The following ATL2 variants were observed in gnomAD, a reference collection of about 807,000 sequenced individuals.
ATL2 encodes atlastin-2.
A neutral mutation model predicts 73.9 loss-of-function variants in ATL2; 31 were observed. The ratio of observed to expected loss-of-function variants is 0.42; its 90% confidence interval spans 0.32 to 0.57. The LOEUF is 0.57. Among genes scored for constraint, ATL2 ranks in the 20% least tolerant of loss-of-function variants. The pLI is 0.14. For missense variants in ATL2, 738 were observed against 702.6 expected (o/e 1.05, Z -0.57); for synonymous variants, 291 against 237.5 (o/e 1.23, Z -2.07).
chr2:38,303,865 C>T (rs1015756531), intron 9 of ATL2, among the ~76,000 whole-genome samples: 1 of 152,148 alleles, frequency 6.6e-6, no homozygotes, highest in Non-Finnish European at 1.5e-5. Flanking sequence ...GGCGTGGTGG[C>T]TCATGCCTGT....
rs564874641 is a variant in ATL2 at position 38,294,675 on chromosome 2, T to A, written c.*1319A>T. 1.3e-5 allele frequency among the ~76,000 whole-genome samples: 2 copies of A among 148,924 alleles called. No individual in the cohort carries two copies. The highest frequency in any genetic ancestry group is 5.0e-5 in the African/African-American group (2 of 39,750). ...AAAAGAGAGAGAAAGAAATTAACAA[T>A]CCCCATCTACAACTAGGCTAATCAT... On this transcript the variant is annotated 3_prime_UTR_variant, in exon 13 of 13. Coordinates refer to ENST00000378954, the MANE Select transcript of ATL2 (RefSeq NM_001135673.4).
intron 2 of ATL2, among the ~76,000 whole-genome samples, chr2:38,324,582 T>C (rs1668495589): frequency 6.6e-6 from 1 of 152,120 alleles, no homozygotes; most frequent in Non-Finnish European, 1.5e-5. Flanking sequence ...TCCAACCCCA[T>C]TCCCACCCCA....
rs780313529 is a variant in ATL2 at position 38,310,412 on chromosome 2, T to C, written c.840A>G (p.Val280=). The stretch of plus-strand genomic sequence containing the variant: ...AGAAACAATTGTGTATGTGCTTCCT[T>C]ACATTCTGAAGCTCTTCATGTTGAT... The part of the protein sequence containing the change: ...KQNQHEELQN[V]RKHIHNCFSN... Residue 280 remains valine, a synonymous_variant, in exon 8 of 13, where the codon GTA becomes GTG. Transcript: ENST00000378954. 5.6e-6 allele frequency: 9 copies of C among 1,610,354 alleles called. No individual in the cohort carries two copies. Among genetic ancestry groups the C allele is most frequent in the South Asian group, 3.3e-5 (3 of 90,256 alleles).
At chr2:38,339,201 G>C (rs72902179) in intron 2 of ATL2, among the ~76,000 whole-genome samples, 16,901 of 152,008 alleles carry the variant, frequency 0.11, 2,787 homozygotes, top group African/African-American at 0.36. Context: ...GGGCAACGAG[G>C]GAAACTACGT....
chr2:38,300,224 C>A, intron 10 of ATL2, 48 bp downstream of exon 10: 1 of 1,432,120 alleles, frequency 7.0e-7, no homozygotes, highest in South Asian at 1.3e-5. Flanking sequence ...TTTATTCTCC[C>A]TCATAAATAA....
At chr2:38,319,698 T>G (rs1668216317) in intron 2 of ATL2, among the ~76,000 whole-genome samples, 1 of 152,186 alleles carries the variant, frequency 6.6e-6, no homozygotes, top group Non-Finnish European at 1.5e-5. Context: ...TTTTAACATG[T>G]TGTTACACAG....
At position 38,318,630 on chromosome 2, in the gene ATL2, G is replaced by C; in HGVS notation, c.508C>G (p.Leu170Val). 6.3e-7 allele frequency: 1 copy of C among 1,598,732 alleles called. No individual in the cohort carries two copies. The highest frequency in any genetic ancestry group is 8.5e-7 in the Non-Finnish European group (1 of 1,175,576). The change falls in exon 4 of 13, where the codon CTG becomes GTG. Residue 170 changes from leucine (L) to valine (V), a missense_variant. Leu to Val is a conservative substitution (Grantham distance 32). Transcript: ENST00000378954. ...AAGGCACCCTGGGTATCCATAAGCA[G>C]CACAGCAACCTAGGAATTTGAGAGT... is the stretch of plus-strand genomic sequence containing the variant. ...DRPNGTKVAVLLMDTQGAFDS... is the reference protein window; with the variant it reads ...DRPNGTKVAVVLMDTQGAFDS...
chr2:38,337,444 T>A (rs1669427543), intron 2 of ATL2, among the ~76,000 whole-genome samples: 1 of 110,170 alleles, frequency 9.1e-6, no homozygotes, highest in Non-Finnish European at 1.7e-5. Flanking sequence ...TGAGATCACA[T>A]CACTGCACTC....
chr2:38,299,408 C>A, intron 10 of ATL2, 81 bp from the exon 11 acceptor site: 3 of 1,326,960 alleles, frequency 2.3e-6, no homozygotes, highest in East Asian at 2.8e-5. Context: ...AAGTTATGTA[C>A]AATAAACAAG....
intron 4 of ATL2, 88 bp downstream of exon 4, chr2:38,318,447 C>T: frequency 1.0e-6 from 1 of 994,270 alleles, no homozygotes; most frequent in Middle Eastern, 2.2e-4. Flanking sequence ...GCCTGGGCAA[C>T]AAGAGTGAAA....
At chr2:38,360,325 GC>G (rs1345122229) in intron 1 of ATL2, among the ~76,000 whole-genome samples, 1 of 150,036 alleles carries the variant, frequency 6.7e-6, no homozygotes, top group Non-Finnish European at 1.5e-5. Context: ...TTGCTCTGAT[GC>G]CCAGGCTGCA....
chr2:38,297,671 A>G (rs887333621), intron 12 of ATL2, among the ~76,000 whole-genome samples: 1 of 152,174 alleles, frequency 6.6e-6, no homozygotes, highest in African/African-American at 2.4e-5. Flanking sequence ...TCCTCATAGT[A>G]CATCAGGAAA....
chr2:38,367,415 A>G (rs1558459352), intron 1 of ATL2, among the ~76,000 whole-genome samples: 1 of 151,232 alleles, frequency 6.6e-6, no homozygotes, highest in Non-Finnish European at 1.5e-5. Flanking sequence ...CATCCTGGCT[A>G]ACACGGTGAA....
intron 2 of ATL2, among the ~76,000 whole-genome samples, chr2:38,334,697 TCAAA>T (rs929791687): frequency 1.3e-4 from 19 of 150,996 alleles, no homozygotes; most frequent in South Asian, 4.2e-4. Context: ...AAACTCCGTC[TCAAA>T]CAAACAAACA....
rs373114704 is a variant in ATL2, at chr2:38,315,257, A to G, written c.654+27T>C. The stretch of plus-strand genomic sequence containing the variant: ...CAAGAGCGAAACTCCATCTCAAAAA[A>G]TAAAAATTAAAAAAAGAAATACGTA... On this transcript the variant is annotated intron_variant, in intron 5 of 12. Coordinates refer to ENST00000378954, the MANE Select transcript of ATL2 (RefSeq NM_001135673.4). 2.1e-4 allele frequency: 314 copies of G among 1,468,948 alleles called. 1 individual carries two copies. The highest frequency in any genetic ancestry group is 2.7e-4 in the Non-Finnish European group (303 of 1,115,638). 91.0% of individuals were successfully genotyped at this position (1,468,948 alleles called of 1,614,324 possible).
chr2:38,334,555 G>A (rs928442979), intron 2 of ATL2, among the ~76,000 whole-genome samples: 11 of 151,222 alleles, frequency 7.3e-5, no homozygotes, highest in African/African-American at 1.7e-4. Context: ...AAAATTAGCC[G>A]GGCGTAGTGG....
chr2:38,327,660 C>T (rs1178148349), intron 2 of ATL2, among the ~76,000 whole-genome samples: 3 of 152,024 alleles, frequency 2.0e-5, no homozygotes, highest in Non-Finnish European at 4.4e-5. Context: ...AACTGTTGGC[C>T]GGGCACAGTG....
At chr2:38,354,199 A>G (rs540841501) in intron 1 of ATL2, 2 of 433,832 alleles carry the variant, frequency 4.6e-6, no homozygotes, top group South Asian at 1.6e-5. Context: ...AAAAGCAAAG[A>G]GTATCTGTCA....
At chr2:38,342,345 A>G (rs571606077) in intron 2 of ATL2, among the ~76,000 whole-genome samples, 24 of 152,338 alleles carry the variant, frequency 1.6e-4, no homozygotes, top group African/African-American at 5.1e-4. Context: ...AACTAAAGTA[A>G]TATCAATAAA....
Sources: allele counts gnomAD v4.1 joint callset (sites outside exome capture counted in the v4.1 genomes callset), GRCh38; gene constraint gnomAD v4.1.1; transcripts MANE v1.5; gene names NCBI Gene and HGNC (gene_info 2026-07-23, HGNC 2026-07-21).